Variants in THSD4 observed in about 807,000 individuals in gnomAD.
The protein encoded by THSD4 is thrombospondin type 1 domain containing 4, also known as thrombospondin type-1 domain-containing protein 4.
A neutral mutation model predicts 119.0 loss-of-function variants in THSD4; 69 were observed. The ratio of observed to expected loss-of-function variants is 0.58; its 90% CI spans 0.48 to 0.71. THSD4 has a LOEUF of 0.71. THSD4 is among the 30% of genes least tolerant of loss of function. THSD4 has a pLI of 0.00. For synonymous variants in THSD4, 524 were observed against 540.4 expected, an observed-to-expected ratio of 0.97 and a Z score of 0.42; for missense variants, 1,393 against 1,391.1, an observed-to-expected ratio of 1.00 and a Z score of -0.02.
intron 6 of THSD4, among the ~76,000 whole-genome samples, chr15:71,388,011 T>C (rs183163527): frequency 2.8e-4 from 42 of 152,342 alleles, no homozygotes; most frequent in South Asian, 1.0e-3. Context: ...ATTTGTTATT[T>C]GGCCATCAAC....
intron 7 of THSD4, among the ~76,000 whole-genome samples, chr15:71,416,187 T>C (rs1426370029): frequency 6.6e-6 from 1 of 152,250 alleles, no homozygotes; most frequent in Non-Finnish European, 1.5e-5. Context: ...GATCTCATTC[T>C]TCTTTGTGTC....
chr15:71,471,589 G>A (rs780124024), intron 7 of THSD4, among the ~76,000 whole-genome samples: 6 of 151,564 alleles, frequency 4.0e-5, no homozygotes, highest in Admixed American at 2.0e-4. Flanking sequence ...TGTGAAAGGC[G>A]AAGTATGATC....
At chr15:71,398,785 G>A (rs961766102) in intron 6 of THSD4, among the ~76,000 whole-genome samples, 1 of 152,108 alleles carries the variant, frequency 6.6e-6, no homozygotes, top group African/African-American at 2.4e-5. Context: ...GCAGACCCAT[G>A]CAGTTCTGCA....
chr15:71,256,141 C>G (rs1276282891), intron 5 of THSD4, among the ~76,000 whole-genome samples: 1 of 152,158 alleles, frequency 6.6e-6, no homozygotes, highest in African/African-American at 2.4e-5. Context: ...AGCAAATGTT[C>G]AGAAACCCAG....
chr15:71,638,390 G>T (rs999660379), intron 7 of THSD4, among the ~76,000 whole-genome samples: 3 of 152,170 alleles, frequency 2.0e-5, no homozygotes, highest in Non-Finnish European at 4.4e-5. Context: ...TGTCCTGCAG[G>T]TCTTAAAAGA....
In THSD4 at chr15:71,304,386, G is replaced by A. The variant is rs185964220; in HGVS notation, c.1015+47671G>A. On this transcript the variant is annotated intron_variant, in intron 6 of 17. Transcript: ENST00000261862. ...ACTGTTTAGTTTCTCTGGGGCTTCT[G>A]CTTGGAGTTTAAGAGAGACATAATT... 2.8e-3 allele frequency among the ~76,000 whole-genome samples: 422 copies of A among 151,938 alleles called. 3 individuals are homozygous for A. Among genetic ancestry groups the A allele is most frequent in the African/African-American group, 9.9e-3 (411 of 41,452 alleles).
At chr15:71,623,589 T>A (rs2140931825) in intron 7 of THSD4, among the ~76,000 whole-genome samples, 1 of 152,270 alleles carries the variant, frequency 6.6e-6, no homozygotes, top group South Asian at 2.1e-4. Context: ...CATCTTAAAG[T>A]AGTTAAGACT....
intron 6 of THSD4, among the ~76,000 whole-genome samples, chr15:71,360,181 G>C (rs138923272): frequency 7.9e-4 from 120 of 152,246 alleles, no homozygotes; most frequent in African/African-American, 2.8e-3. Context: ...CTTCCTATGT[G>C]AGGAAGCTCG....
rs189937615 is a variant in THSD4 at position 71,278,705 on chromosome 15, G to A, written c.1015+21990G>A. 6.6e-5 allele frequency among the ~76,000 whole-genome samples: 10 copies of A among 152,264 alleles called. No individual in the cohort carries two copies. The East Asian group carries it at 1.9e-3, about 29-fold the overall frequency. Reference sequence around the variant, plus strand: ...TTCGATTGTGCCAGTCTGAAATATGGCAGGTTAGAGGGGTGGAGAAAGCCA... The same window carrying A: ...TTCGATTGTGCCAGTCTGAAATATGACAGGTTAGAGGGGTGGAGAAAGCCA... On this transcript the variant is annotated intron_variant, in intron 6 of 17. Coordinates refer to ENST00000261862, the MANE Select transcript of THSD4 (RefSeq NM_024817.3).
chr15:71,136,480 G>T (rs1213371004), intron 1 of THSD4, among the ~76,000 whole-genome samples: 3 of 152,180 alleles, frequency 2.0e-5, no homozygotes, highest in African/African-American at 7.2e-5. Context: ...GCTTTCCTAG[G>T]CAGGTTCTGA....
intron 1 of THSD4, among the ~76,000 whole-genome samples, chr15:71,135,296 T>G (rs959853364): frequency 1.4e-5 from 2 of 147,196 alleles, no homozygotes; most frequent in African/African-American, 5.1e-5. Flanking sequence ...CGCACCAGCA[T>G]GGCACATGTA....
chr15:71,738,531 C>A (rs940863317), intron 11 of THSD4, among the ~76,000 whole-genome samples: 1 of 152,184 alleles, frequency 6.6e-6, no homozygotes, highest in Non-Finnish European at 1.5e-5. Context: ...TACAATTCAT[C>A]ACAGTCAAAG....
chr15:71,258,292 C>T (rs2044344430), intron 6 of THSD4, among the ~76,000 whole-genome samples: 1 of 152,168 alleles, frequency 6.6e-6, no homozygotes, highest in Admixed American at 6.5e-5. Flanking sequence ...GATTCTCCTG[C>T]CTTAGCCTCC....
At chr15:71,671,446 C>T (rs1430817394) in intron 8 of THSD4, among the ~76,000 whole-genome samples, 1 of 152,174 alleles carries the variant, frequency 6.6e-6, no homozygotes, top group African/African-American at 2.4e-5. Context: ...CCTGTTCACT[C>T]TGATGGTAGT....
chr15:71,650,708 CT>C (rs2051067477), intron 7 of THSD4, among the ~76,000 whole-genome samples: 1 of 152,176 alleles, frequency 6.6e-6, no homozygotes, highest in South Asian at 2.1e-4. Flanking sequence ...TAATGTCAGA[CT>C]AGGACACTTC....
At chr15:71,443,757 C>G (rs1482513594) in intron 7 of THSD4, among the ~76,000 whole-genome samples, 1 of 152,246 alleles carries the variant, frequency 6.6e-6, no homozygotes, top group Non-Finnish European at 1.5e-5. Context: ...CCCATTCCCT[C>G]TACAACATAC....
At chr15:71,623,581 T>C (rs774713196) in intron 7 of THSD4, among the ~76,000 whole-genome samples, 1 of 152,186 alleles carries the variant, frequency 6.6e-6, no homozygotes, top group Non-Finnish European at 1.5e-5. Context: ...TATTATGGCA[T>C]CTTAAAGTAG....
intron 6 of THSD4, among the ~76,000 whole-genome samples, chr15:71,278,579 G>T (rs1207862084): frequency 6.6e-6 from 1 of 152,160 alleles, no homozygotes; most frequent in Non-Finnish European, 1.5e-5. Context: ...TCTACATTGT[G>T]CTCTGCTGAT....
chr15:71,330,188 T>TGAG (rs1248429096), intron 6 of THSD4, among the ~76,000 whole-genome samples: 3 of 152,130 alleles, frequency 2.0e-5, no homozygotes, highest in African/African-American at 7.2e-5. Flanking sequence ...GGTGTGCCTA[T>TGAG]GAGGAGGGCC....
Sources: allele counts gnomAD v4.1 joint callset (sites outside exome capture counted in the v4.1 genomes callset), GRCh38; gene constraint gnomAD v4.1.1; transcripts MANE v1.5; gene names NCBI Gene and HGNC (gene_info 2026-07-23, HGNC 2026-07-21).